WDR11: variants seen among roughly 807,000 people sequenced by gnomAD.
WDR11 encodes WD repeat domain 11, also known as WD repeat-containing protein 11.
WDR11 carries 83 observed loss-of-function variants against 151.2 expected under a neutral mutation model. The ratio of observed to expected loss-of-function variants is 0.55; its 90% confidence interval spans 0.46 to 0.66. The LOEUF (loss-of-function observed/expected upper bound fraction) is 0.66, where lower values mean the gene tolerates loss of function less well. WDR11 is among the 30% of genes least tolerant of loss of function. WDR11 has a pLI of 0.00. For synonymous variants in WDR11, 484 were observed against 533.1 expected, an observed-to-expected ratio of 0.91 and a Z score of 1.27; for missense variants, 1,301 against 1,480.9, an observed-to-expected ratio of 0.88 and a Z score of 1.99.
intron 14 of WDR11, chr10:120,885,274 T>TACACACACAC (rs1456456025): frequency 2.0e-4 from 17 of 85,482 alleles, no homozygotes; most frequent in African/African-American, 7.5e-4. Context: ...GGATGAAGTA[T>TACACACACAC]ATATATATAT....
rs1228510990 is a variant in WDR11 at position 120,874,190 on chromosome 10, TTTGTTGTTGTTGTTGTTGTTTG to T, written c.1556+270_1556+291del. Among the ~76,000 whole-genome samples the T allele has an allele frequency of 4.9e-4, 52 of 105,116 alleles. 2 individuals are homozygous for T. The highest frequency in any genetic ancestry group is 4.9e-3 in the Middle Eastern group (1 of 206). 69.0% of individuals were successfully genotyped at this position (105,116 alleles called of 152,430 possible). ...CGGTTTTTGCAGTTTTTTTTTTTTT[TTTGTTGTTGTTGTTGTTGTTTG>T]TTTTGTTTTGTTTTGTTTTTTTTAA... On this transcript the variant is annotated intron_variant, in intron 11 of 28. Coordinates refer to ENST00000263461, the MANE Select transcript of WDR11 (RefSeq NM_018117.12).
intron 9 of WDR11, among the ~76,000 whole-genome samples, chr10:120,869,845 G>A (rs1034984397): frequency 2.0e-5 from 3 of 151,684 alleles, no homozygotes; most frequent in Non-Finnish European, 4.4e-5. Flanking sequence ...GCTGGAGTGC[G>A]GTGGCGCAAT....
At chr10:120,886,172 A>G (rs534063794) in intron 15 of WDR11, among the ~76,000 whole-genome samples, 1 of 152,280 alleles carries the variant, frequency 6.6e-6, no homozygotes, top group South Asian at 2.1e-4. Flanking sequence ...TTCACCCATC[A>G]GCATCTAGTA....
intron 13 of WDR11, among the ~76,000 whole-genome samples, chr10:120,881,360 T>A (rs1253757756): frequency 2.0e-5 from 3 of 152,140 alleles, no homozygotes; most frequent in Non-Finnish European, 2.9e-5. Context: ...TTCAAACTTG[T>A]TTTGGCTTTT....
Position 120,883,780 on chromosome 10 carries a change from G to A in WDR11, c.1740G>A (p.Lys580=). 6.2e-7 allele frequency: 1 copy of A among 1,613,044 alleles called. No homozygotes were observed. The highest frequency in any genetic ancestry group is 8.5e-7 in the Non-Finnish European group (1 of 1,179,326). ...AIEMIKVSHL[K]QYLAVVFRDK... ...TATTTAGTAATTTTGTTTATTTTAG[G>A]CAGTATTTGGCAGTCGTATTCAGAG... Residue 580 remains lysine (K), a splice_region_variant and synonymous_variant, in exon 14 of 29, where the codon AAG becomes AAA. Coordinates refer to ENST00000263461, the MANE Select transcript of WDR11 (RefSeq NM_018117.12).
chr10:120,899,027 T>C (rs1191878820), intron 19 of WDR11, among the ~76,000 whole-genome samples: 1 of 152,156 alleles, frequency 6.6e-6, no homozygotes, highest in Non-Finnish European at 1.5e-5. Context: ...AGGGCACCCC[T>C]AGAAATTTGG....
In WDR11 at chr10:120,904,625, A is replaced by G. The variant is rs1243686711; in HGVS notation, c.3028-21A>G. On this transcript the variant is annotated intron_variant, in intron 24 of 28. Coordinates refer to ENST00000263461, the MANE Select transcript of WDR11 (RefSeq NM_018117.12). ...TGGAGGAAAATGTTCTCATAATTAG[A>G]AAAACCGTTTCTCTTACTAGACAGA... 6.2e-6 allele frequency: 10 copies of G among 1,614,076 alleles called. No individual in the cohort carries two copies. The South Asian group carries it at 1.1e-4, about 18-fold the overall frequency.
rs1848204076 is a variant in WDR11, at chr10:120,909,384, A to AT, written c.*676dup. The AT allele has an allele frequency of 6.5e-6, 1 of 152,902 alleles. No individual in the cohort carries two copies. The highest frequency in any genetic ancestry group is 2.4e-5 in the African/African-American group (1 of 41,450). 9.5% of individuals were successfully genotyped at this position (152,902 alleles called of 1,614,324 possible). ...TTTTATGATACATCACAGTAACCTC[A>AT]TTTTTGAAGTCTTTCTTTGTACTTT... is the stretch of plus-strand genomic sequence containing the variant. On this transcript the variant is annotated 3_prime_UTR_variant, in exon 29 of 29. Coordinates refer to ENST00000263461, the MANE Select transcript of WDR11 (RefSeq NM_018117.12).
At chr10:120,899,415 GTTGAATCATTGCA>G (rs1418768398) in intron 19 of WDR11, among the ~76,000 whole-genome samples, 1 of 152,070 alleles carries the variant, frequency 6.6e-6, no homozygotes, top group Non-Finnish European at 1.5e-5. Context: ...GTTGCTATTT[GTTGAATCATTGCA>G]TTGAATCCTT....
intron 2 of WDR11, among the ~76,000 whole-genome samples, chr10:120,853,453 G>C (rs982816606): frequency 2.6e-5 from 4 of 152,050 alleles, no homozygotes; most frequent in African/African-American, 9.7e-5. Context: ...TTTTAGTAGA[G>C]ACCGGGTTTC....
chr10:120,888,830 C>T (rs1234638965), intron 16 of WDR11, among the ~76,000 whole-genome samples: 1 of 151,844 alleles, frequency 6.6e-6, no homozygotes, highest in Non-Finnish European at 1.5e-5. Flanking sequence ...CCTCAAAAGA[C>T]ATCCCCTCTC....
chr10:120,862,146 G>GTTTTTT lies in WDR11; in HGVS notation c.527-582_527-577dup, dbSNP rs1024130533. Reference sequence around the variant, plus strand: ...TTGTTTGTTTTTTGTTTTTGTTTTTGTTTTTTTTTTTTGAGATGGAATCTT... The same window carrying GTTTTTT: ...TTGTTTGTTTTTTGTTTTTGTTTTTGTTTTTTTTTTTTTTTTTTGAGATGGAATCTT... On this transcript the variant is annotated intron_variant, in intron 4 of 28. Transcript: ENST00000263461. Among the ~76,000 whole-genome samples the GTTTTTT allele has an allele frequency of 3.4e-5, 5 of 146,402 alleles. No individual in the cohort carries two copies. In the East Asian group the frequency reaches 8.0e-4, roughly 23 times the overall value.
In WDR11 at chr10:120,860,092, T is replaced by G. The variant is rs1229666611; in HGVS notation, c.353-17T>G. 1 of 1,614,166 alleles carries G rather than the reference T, an allele frequency of 6.2e-7. No homozygotes were observed. The highest frequency in any genetic ancestry group is 1.7e-5 in the Admixed American group (1 of 60,022). On this transcript the variant is annotated splice_polypyrimidine_tract_variant and intron_variant, in intron 3 of 28. Coordinates refer to ENST00000263461, the MANE Select transcript of WDR11 (RefSeq NM_018117.12). The stretch of plus-strand genomic sequence containing the variant: ...TGTGGTTTCTGAATTTTGCCTTTCT[T>G]TATCGGGTCTTTCCAGATGTTCAGT...
chr10:120,863,054 A>G (rs542551351), intron 5 of WDR11, 133 bp downstream of exon 5: 13 of 681,978 alleles, frequency 1.9e-5, no homozygotes, highest in South Asian at 5.5e-5. Flanking sequence ...TATTAGAGGA[A>G]AAAAATATTT....
At chr10:120,890,085 T>C in intron 18 of WDR11, 76 bp downstream of exon 18, 1 of 1,039,540 alleles carries the variant, frequency 9.6e-7, no homozygotes, top group Non-Finnish European at 1.5e-6. Flanking sequence ...AAAACTTCTT[T>C]CTGATTTAGA....
Position 120,862,829 on chromosome 10 carries a change from C to T in WDR11, c.621C>T (p.His207=), listed in dbSNP as rs1351504562. The change falls in exon 5 of 29, where the codon CAC becomes CAT. Residue 207 remains histidine, a synonymous_variant. Coordinates refer to ENST00000263461, the MANE Select transcript of WDR11 (RefSeq NM_018117.12). ...PGKKVYISSP[H]SSPAHNKLAT... ...AAAAAGTTTACATATCCAGCCCACACTCTAGCCCAGCTCATAACAAGCTGG... is the reference window on the plus strand; with the variant it reads ...AAAAAGTTTACATATCCAGCCCACATTCTAGCCCAGCTCATAACAAGCTGG... 2.5e-6 allele frequency: 4 copies of T among 1,614,014 alleles called. No homozygotes were observed. Among genetic ancestry groups the T allele is most frequent in the African/African-American group, 2.7e-5 (2 of 74,916 alleles).
At chr10:120,871,716 G>A (rs915249801) in intron 10 of WDR11, among the ~76,000 whole-genome samples, 2 of 152,084 alleles carry the variant, frequency 1.3e-5, no homozygotes, top group Non-Finnish European at 2.9e-5. Context: ...GGTCTTTATT[G>A]ACTAAAAATA....
Position 120,867,187 on chromosome 10 carries a change from C to G in WDR11, c.1294+18C>G, listed in dbSNP as rs773871168. The stretch of plus-strand genomic sequence containing the variant: ...CATGATTGGTAAGCTTTTTTCCCCT[C>G]TAACTCCATGTTAAGTATTCTTTCT... On this transcript the variant is annotated intron_variant, in intron 9 of 28. Coordinates refer to ENST00000263461, the MANE Select transcript of WDR11 (RefSeq NM_018117.12). The G allele has an allele frequency of 1.3e-6, 2 of 1,561,276 alleles. No individual in the cohort carries two copies. Among genetic ancestry groups the G allele is most frequent in the East Asian group, 2.2e-5 (1 of 44,590 alleles).
rs1351067926 is a variant in WDR11 at position 120,908,665 on chromosome 10, C to T, written c.3627C>T (p.Asp1209=). The part of the protein sequence containing the change: ...FASKAGAAGK[D]LLNELESPKE... The stretch of plus-strand genomic sequence containing the variant: ...CAAAAGCCGGAGCAGCTGGCAAAGA[C>T]TTATTGAATGAGCTTGAGTCCCCCA... The change falls in exon 29 of 29, where the codon GAC becomes GAT. Residue 1209 remains aspartate, a synonymous_variant. Transcript: ENST00000263461. 6.2e-7 allele frequency: 1 copy of T among 1,614,180 alleles called. No homozygotes were observed. The highest frequency in any genetic ancestry group is 1.3e-5 in the African/African-American group (1 of 75,048).
Sources: allele counts gnomAD v4.1 joint callset (sites outside exome capture counted in the v4.1 genomes callset), GRCh38; gene constraint gnomAD v4.1.1; transcripts MANE v1.5; gene names NCBI Gene and HGNC (gene_info 2026-07-23, HGNC 2026-07-21).